The following SRRM4 variants were observed in gnomAD, a reference collection of about 807,000 sequenced individuals.
SRRM4 encodes the protein serine/arginine repetitive matrix protein 4.
SRRM4 carries 33 observed loss-of-function variants against 68.9 expected under a neutral mutation model. That is an observed-to-expected ratio of 0.48 (90% CI 0.36 to 0.64). The LOEUF (loss-of-function observed/expected upper bound fraction) is 0.64, where lower values mean the gene tolerates loss of function less well. SRRM4 is among the 30% of genes least tolerant of loss of function. The pLI, the probability that SRRM4 is intolerant of heterozygous loss-of-function variation, is 0.00. For synonymous variants in SRRM4, 318 were observed against 318.8 expected (o/e 1.00, Z 0.03); for missense variants, 817 against 827.1 (o/e 0.99, Z 0.15).
chr12:119,082,232 C>A (rs1953953179), intron 1 of SRRM4, among the ~76,000 whole-genome samples: 1 of 152,164 alleles, frequency 6.6e-6, no homozygotes, highest in Admixed American at 6.5e-5. Context: ...AGACCCTCCA[C>A]AAAGAGAAGT....
Position 119,114,264 on chromosome 12 carries a change from T to C in SRRM4, c.279-14T>C, listed in dbSNP as rs1398869621. 3 of 1,609,236 alleles carry C rather than the reference T, an allele frequency of 1.9e-6. No homozygotes were observed. The Admixed American group carries it at 5.0e-5, about 27-fold the overall frequency. On this transcript the variant is annotated splice_polypyrimidine_tract_variant and intron_variant, in intron 2 of 12. Transcript: ENST00000267260. The stretch of plus-strand genomic sequence containing the variant: ...CCATGAGTTATCTAATGCTCCTCTC[T>C]TTGCTCCTCACAGTGCCTCTCATGA...
intron 1 of SRRM4, among the ~76,000 whole-genome samples, chr12:119,029,962 C>A (rs568796021): frequency 4.6e-5 from 7 of 152,268 alleles, no homozygotes; most frequent in Admixed American, 4.6e-4. Context: ...GGGACCCATG[C>A]AGCTGTCCCA....
intron 1 of SRRM4, among the ~76,000 whole-genome samples, chr12:118,982,290 G>T (rs1255181137): frequency 6.6e-6 from 1 of 152,134 alleles, no homozygotes; most frequent in African/African-American, 2.4e-5. Flanking sequence ...GGTGCAGATG[G>T]GGTACGACTT....
At chr12:119,105,925 G>A in intron 2 of SRRM4, among the ~76,000 whole-genome samples, 1 of 152,242 alleles carries the variant, frequency 6.6e-6, no homozygotes, top group African/African-American at 2.4e-5. Context: ...GTATTGCCTA[G>A]GTTTTTTATG....
chr12:119,148,005 A>G (rs1443909900), intron 9 of SRRM4, among the ~76,000 whole-genome samples: 2 of 152,006 alleles, frequency 1.3e-5, no homozygotes, highest in East Asian at 3.9e-4. Flanking sequence ...AAAATGGAAC[A>G]GTCCTTTTTC....
chr12:119,140,393 A>AT (rs1954357810), intron 8 of SRRM4, among the ~76,000 whole-genome samples: 1 of 151,314 alleles, frequency 6.6e-6, no homozygotes, highest in Non-Finnish European at 1.5e-5. Flanking sequence ...AAAAAAAAAA[A>AT]TTATTGTTAA....
In SRRM4 at chr12:119,103,952, G is replaced by A. The variant is rs571112796; in HGVS notation, c.278+1570G>A. On this transcript the variant is annotated intron_variant, in intron 2 of 12. Coordinates refer to ENST00000267260, the MANE Select transcript of SRRM4 (RefSeq NM_194286.4). ...CAGGAGGAGGAGGTTGCAGTGAGCC[G>A]AGATCGCACCACAGCGCTTCAGCCT... is the stretch of plus-strand genomic sequence containing the variant. Among the ~76,000 whole-genome samples, 4 of 152,286 alleles carry A rather than the reference G, an allele frequency of 2.6e-5. No individual in the cohort carries two copies. The East Asian group carries it at 5.8e-4, about 22-fold the overall frequency.
intron 2 of SRRM4, among the ~76,000 whole-genome samples, chr12:119,105,772 G>C: frequency 6.6e-6 from 1 of 152,152 alleles, no homozygotes; most frequent in Non-Finnish European, 1.5e-5. Flanking sequence ...TCTGCAGGTT[G>C]CCTGTTCACT....
At chr12:119,055,953 C>A (rs555925550) in intron 1 of SRRM4, among the ~76,000 whole-genome samples, 3 of 152,234 alleles carry the variant, frequency 2.0e-5, no homozygotes, top group South Asian at 2.1e-4. Context: ...AACAATAGAA[C>A]GAAATCTCTT....
intron 1 of SRRM4, among the ~76,000 whole-genome samples, chr12:119,037,740 G>A (rs897872816): frequency 3.3e-5 from 5 of 152,160 alleles, no homozygotes; most frequent in African/African-American, 1.2e-4. Flanking sequence ...GGGGAAGGAA[G>A]GCATGGAAAT....
Position 119,157,938 on chromosome 12 carries a change from G to A in SRRM4, c.*1140G>A, listed in dbSNP as rs3809304. ...AGCTCAGGTTTGGGGGAAAAGACCCGAATCCAGAGTGCAGGGGAGAGGGGC... is the reference window on the plus strand; with the variant it reads ...AGCTCAGGTTTGGGGGAAAAGACCCAAATCCAGAGTGCAGGGGAGAGGGGC... On this transcript the variant is annotated 3_prime_UTR_variant, in exon 13 of 13. Coordinates refer to ENST00000267260, the MANE Select transcript of SRRM4 (RefSeq NM_194286.4). The surrounding 1 kb of genome is among the most constrained non-coding windows in gnomAD (Gnocchi z 4.1). The A allele has an allele frequency of 0.18, 28,061 of 152,632 alleles. 2,718 individuals carry two copies. Among genetic ancestry groups the A allele is most frequent in the Middle Eastern group, 0.21 (63 of 294 alleles). 9.5% of individuals were successfully genotyped at this position (152,632 alleles called of 1,614,324 possible).
At chr12:119,067,777 T>C (rs1291955822) in intron 1 of SRRM4, among the ~76,000 whole-genome samples, 1 of 151,898 alleles carries the variant, frequency 6.6e-6, no homozygotes, top group Non-Finnish European at 1.5e-5. Flanking sequence ...GAATCCCAGC[T>C]CCTCCACCTA....
chr12:119,147,009 T>C (rs1954407384), intron 9 of SRRM4, among the ~76,000 whole-genome samples: 1 of 152,060 alleles, frequency 6.6e-6, no homozygotes, highest in Admixed American at 6.6e-5. Flanking sequence ...AAACCTGCAC[T>C]TGGATGTTAC....
intron 1 of SRRM4, among the ~76,000 whole-genome samples, chr12:119,044,002 G>T (rs1007440772): frequency 2.6e-5 from 4 of 152,178 alleles, no homozygotes; most frequent in African/African-American, 9.7e-5. Flanking sequence ...AAGTAGCTGG[G>T]ATTACAGCTG....
At chr12:118,989,338 A>G (rs1046264735) in intron 1 of SRRM4, among the ~76,000 whole-genome samples, 4 of 152,146 alleles carry the variant, frequency 2.6e-5, no homozygotes, top group African/African-American at 9.7e-5. Flanking sequence ...ACATCAGGAA[A>G]CTTTAAAGAT....
At chr12:119,035,812 TGA>T (rs1953623390) in intron 1 of SRRM4, among the ~76,000 whole-genome samples, 1 of 152,264 alleles carries the variant, frequency 6.6e-6, no homozygotes, top group Middle Eastern at 3.4e-3. Flanking sequence ...TCTATATTGT[TGA>T]GTCTCTTTCT....
intron 8 of SRRM4, among the ~76,000 whole-genome samples, chr12:119,137,844 T>C (rs1437241722): frequency 6.6e-6 from 1 of 152,152 alleles, no homozygotes; most frequent in Admixed American, 6.5e-5. Context: ...GGATCCGGTC[T>C]CCTGGTTCCT....
intron 1 of SRRM4, among the ~76,000 whole-genome samples, chr12:119,073,603 G>A (rs1225311571): frequency 6.6e-6 from 1 of 151,816 alleles, no homozygotes; most frequent in South Asian, 2.1e-4. Context: ...GGGATTCCAG[G>A]AGTGAGCCAT....
At position 119,156,693 on chromosome 12, in the gene SRRM4, G is replaced by A. The variant is rs776803434; in HGVS notation, c.1731G>A (p.Pro577=). ...GCTCTAGCTCCCGCAGCCCTAGTCC[G>A]GGCTCCCGCAGCCGGAGCCGGAGCA... is the stretch of plus-strand genomic sequence containing the variant. ...SSSSSSRSPS[P]GSRSRSRSRS... Residue 577 remains proline, a synonymous_variant, in exon 13 of 13, where the codon CCG becomes CCA. Coordinates refer to ENST00000267260, the MANE Select transcript of SRRM4 (RefSeq NM_194286.4). 3.2e-5 allele frequency: 50 copies of A among 1,550,344 alleles called. No individual in the cohort carries two copies. The East Asian group carries it at 1.0e-3, about 31-fold the overall frequency.
Sources: allele counts gnomAD v4.1 joint callset (sites outside exome capture counted in the v4.1 genomes callset), GRCh38; gene constraint gnomAD v4.1.1; non-coding constraint Gnocchi (gnomAD v3.1); transcripts MANE v1.5; gene names NCBI Gene and HGNC (gene_info 2026-07-23, HGNC 2026-07-21).